RNF216: variants seen among roughly 807,000 people sequenced by gnomAD.
The protein encoded by RNF216 is ring finger protein 216.
RNF216 carries 72 observed loss-of-function variants against 110.8 expected under a neutral mutation model. That is an observed-to-expected ratio of 0.65 (90% CI 0.54 to 0.79). The LOEUF is 0.79. Among genes scored for constraint, RNF216 ranks in the 30% least tolerant of loss-of-function variants. RNF216 has a pLI of 0.00. For missense variants in RNF216, 1,342 were observed against 1,141.2 expected (o/e 1.18, Z -2.54); for synonymous variants, 495 against 407.5 (o/e 1.21, Z -2.59).
intron 4 of RNF216, 55 bp downstream of exon 4, chr7:5,740,918 A>AG (rs1794716877): frequency 6.7e-7 from 1 of 1,484,310 alleles, no homozygotes; most frequent in African/African-American, 1.4e-5. Flanking sequence ...AAAAAAAAAA[A>AG]GAAAAAAACT....
chr7:5,722,396 T>A (rs1260695345), intron 8 of RNF216, among the ~76,000 whole-genome samples: 1 of 151,688 alleles, frequency 6.6e-6, no homozygotes, highest in African/African-American at 2.4e-5. Context: ...TTTGTTTGTT[T>A]TGTTTTTTTT....
At chr7:5,736,688 G>A (rs897179618) in intron 5 of RNF216, among the ~76,000 whole-genome samples, 5 of 149,336 alleles carry the variant, frequency 3.3e-5, no homozygotes, top group South Asian at 2.1e-4. Flanking sequence ...CGTCTCTGCC[G>A]GGCCACCCAT....
Position 5,761,060 on chromosome 7 carries a change from C to T in RNF216, c.10G>A (p.Gly4Arg). Residue 4 changes from glycine to arginine, a missense_variant, in exon 2 of 17, where the codon GGA becomes AGA. Gly to Arg is a moderately radical substitution (Grantham distance 125, BLOSUM62 -2). Coordinates refer to ENST00000389902, the MANE Select transcript of RNF216 (RefSeq NM_207111.4). Reference sequence around the variant, plus strand: ...TGAATTACCTCTTCATTGTTGTTTCCCTCTTCCATTTTCAAATGCAGACAT... The same window carrying T: ...TGAATTACCTCTTCATTGTTGTTTCTCTCTTCCATTTTCAAATGCAGACAT... Reference protein sequence around the residue: MEEGNNNEEVIHLN... With the variant: MEERNNNEEVIHLN... 3.8e-6 allele frequency: 6 copies of T among 1,578,940 alleles called. No individual in the cohort carries two copies. The Middle Eastern group carries it at 6.7e-4, about 176-fold the overall frequency.
intron 3 of RNF216, among the ~76,000 whole-genome samples, chr7:5,751,996 G>C (rs1795356081): frequency 6.6e-6 from 1 of 151,976 alleles, no homozygotes; most frequent in African/African-American, 2.4e-5. Flanking sequence ...GACCAGCCTG[G>C]CCAAGATAGT....
rs781747827 is a variant in RNF216, at chr7:5,721,133, T to C, written c.1544A>G (p.Asn515Ser). ...ATAGGACCTACAATGTCGTCGCTTATTTTCAAGAAAGAACATCCTCTTTTC... is the reference window on the plus strand; with the variant it reads ...ATAGGACCTACAATGTCGTCGCTTACTTTCAAGAAAGAACATCCTCTTTTC... ...KIEKRMFFLENKRRHCRSYDR... is the reference protein window; with the variant it reads ...KIEKRMFFLESKRRHCRSYDR... Residue 515 changes from asparagine to serine, a missense_variant, in exon 9 of 17, where the codon AAT becomes AGT. By Grantham distance (46) the Asn-to-Ser change is conservative. Transcript: ENST00000389902. The C allele has an allele frequency of 4.3e-6, 7 of 1,614,026 alleles. No homozygotes were observed. Among genetic ancestry groups the C allele is most frequent in the Non-Finnish European group, 5.9e-6 (7 of 1,179,876 alleles).
intron 13 of RNF216, among the ~76,000 whole-genome samples, chr7:5,655,845 C>T (rs1054731629): frequency 2.0e-5 from 3 of 152,142 alleles, no homozygotes; most frequent in African/African-American, 7.2e-5. Context: ...ACGCATATTA[C>T]GAAGAAACGC....
chr7:5,660,265 C>CTTT (rs66617363), intron 13 of RNF216, among the ~76,000 whole-genome samples: 11 of 33,644 alleles, frequency 3.3e-4, no homozygotes, highest in Admixed American at 7.9e-4. Context: ...GTTTTAAATT[C>CTTT]TTTTTTTTTT....
intron 9 of RNF216, among the ~76,000 whole-genome samples, chr7:5,720,606 AAGAGGTTTG>A (rs1299668209): frequency 1.3e-5 from 2 of 152,302 alleles, no homozygotes; most frequent in Middle Eastern, 3.4e-3. Flanking sequence ...GCATAGTTAT[AAGAGGTTTG>A]ACCTCGCAGA....
At chr7:5,662,123 G>A (rs1252324710) in intron 13 of RNF216, among the ~76,000 whole-genome samples, 1 of 152,212 alleles carries the variant, frequency 6.6e-6, no homozygotes, top group Non-Finnish European at 1.5e-5. Context: ...CAGCTGTGCA[G>A]GATGTCTGCT....
chr7:5,654,164 G>A (rs530974802), intron 13 of RNF216, among the ~76,000 whole-genome samples: 146 of 152,350 alleles, frequency 9.6e-4, no homozygotes, highest in African/African-American at 3.2e-3. Context: ...CCCAGACAAG[G>A]GTGGTGGGCA....
Position 5,696,494 on chromosome 7 carries a change from A to G in RNF216, c.2061+15267T>C, listed in dbSNP as rs764149790. Among the ~76,000 whole-genome samples the G allele has an allele frequency of 1.3e-5, 2 of 152,188 alleles. No homozygotes were observed. Among genetic ancestry groups the G allele is most frequent in the Non-Finnish European group, 2.9e-5 (2 of 68,026 alleles). Reference sequence around the variant, plus strand: ...AATGCAGCAAAGCAGCAACTGCCCAATGATCTACTCCAGGGCACCCACACA... The same window carrying G: ...AATGCAGCAAAGCAGCAACTGCCCAGTGATCTACTCCAGGGCACCCACACA... On this transcript the variant is annotated intron_variant, in intron 13 of 16. Transcript: ENST00000389902. The surrounding 1 kb of genome is among the most constrained non-coding windows in gnomAD (Gnocchi z 5.4).
At chr7:5,692,265 C>G (rs1791382725) in intron 13 of RNF216, among the ~76,000 whole-genome samples, 1 of 152,184 alleles carries the variant, frequency 6.6e-6, no homozygotes, top group Non-Finnish European at 1.5e-5. Context: ...GCCACTAAGC[C>G]TTTTACTTGT....
At chr7:5,725,521 A>G in intron 7 of RNF216, 83 bp from the exon 8 acceptor site, 1 of 817,788 alleles carries the variant, frequency 1.2e-6, no homozygotes, top group South Asian at 1.5e-5. Context: ...ATGCCATTTT[A>G]ACACAGTTTC....
intron 13 of RNF216, among the ~76,000 whole-genome samples, chr7:5,679,742 T>G (rs1249167705): frequency 7.0e-6 from 1 of 143,794 alleles, no homozygotes; most frequent in Non-Finnish European, 1.6e-5. Flanking sequence ...CAGGCACCAC[T>G]GAGAGAAGAG....
intron 14 of RNF216, among the ~76,000 whole-genome samples, chr7:5,650,282 G>A (rs921365858): frequency 6.6e-6 from 1 of 152,202 alleles, no homozygotes; most frequent in African/African-American, 2.4e-5. Context: ...ACTTACTGCT[G>A]ATCTAAAAGG....
chr7:5,720,597 C>G (rs1244489769), intron 9 of RNF216, among the ~76,000 whole-genome samples: 1 of 152,092 alleles, frequency 6.6e-6, no homozygotes, highest in Non-Finnish European at 1.5e-5. Context: ...AATGTCTTAG[C>G]ATAGTTATAA....
At chr7:5,703,624 A>G (rs1387089136) in intron 13 of RNF216, among the ~76,000 whole-genome samples, 1 of 152,264 alleles carries the variant, frequency 6.6e-6, no homozygotes, top group African/African-American at 2.4e-5. Flanking sequence ...CAGGGAAGAA[A>G]GCTGGCAGGT....
chr7:5,743,485 C>G (rs1424453153), intron 3 of RNF216, among the ~76,000 whole-genome samples: 3 of 151,794 alleles, frequency 2.0e-5, no homozygotes, highest in Non-Finnish European at 4.4e-5. Flanking sequence ...TGACCCCTAC[C>G]AAAAAAAGAG....
Position 5,627,987 on chromosome 7 carries a change from T to A in RNF216, c.2383-3862A>T, listed in dbSNP as rs185712687. 1.5e-3 allele frequency among the ~76,000 whole-genome samples: 232 copies of A among 152,282 alleles called. 1 individual carries two copies. The highest frequency in any genetic ancestry group is 5.1e-3 in the African/African-American group (213 of 41,552). On this transcript the variant is annotated intron_variant, in intron 15 of 16. Coordinates refer to ENST00000389902, the MANE Select transcript of RNF216 (RefSeq NM_207111.4). ...CTCAGAAGGGTCTGAGGCACCTGCA[T>A]AGGAGCGCGAGCCCAGGTTTCTGAT...
Sources: allele counts gnomAD v4.1 joint callset (sites outside exome capture counted in the v4.1 genomes callset), GRCh38; gene constraint gnomAD v4.1.1; non-coding constraint Gnocchi (gnomAD v3.1); transcripts MANE v1.5; gene names NCBI Gene and HGNC (gene_info 2026-07-23, HGNC 2026-07-21).